Variants in DCDC2C observed in about 807,000 individuals in gnomAD.
DCDC2C encodes the protein doublecortin domain containing 2C.
A neutral mutation model predicts 45.0 loss-of-function variants in DCDC2C; 44 were observed. The observed-to-expected ratio is 0.98, with a 90% CI of 0.77 to 1.26. The LOEUF is 1.26. DCDC2C is among the 50% of genes most tolerant of loss of function. The pLI, the probability that DCDC2C is intolerant of heterozygous loss-of-function variation, is 0.00. For synonymous variants in DCDC2C, 187 were observed against 178.8 expected, an observed-to-expected ratio of 1.05 and a Z score of -0.37; for missense variants, 447 against 468.9, an observed-to-expected ratio of 0.95 and a Z score of 0.43.
At chr2:3,745,844 G>A (rs1017754379) in intron 4 of DCDC2C, among the ~76,000 whole-genome samples, 2 of 151,980 alleles carry the variant, frequency 1.3e-5, no homozygotes, top group African/African-American at 4.8e-5. Context: ...TGAGTAGTTG[G>A]GACTACAGGT....
chr2:3,778,703 C>T, intron 8 of DCDC2C, 113 bp from the exon 9 acceptor site: 2 of 934,328 alleles, frequency 2.1e-6, no homozygotes, highest in Non-Finnish European at 3.2e-6. Context: ...GTGACTTCCC[C>T]AGCTCTACCC....
rs1390833726 is a variant in DCDC2C at position 3,813,055 on chromosome 2, ATATATATATATATT to A, written c.1065+27957_1065+27970del. 1.6e-3 allele frequency among the ~76,000 whole-genome samples: 152 copies of A among 97,692 alleles called. 3 individuals are homozygous for A. Among genetic ancestry groups the A allele is most frequent in the African/African-American group, 6.4e-3 (134 of 20,796 alleles). The allele number at this position is 97,692 out of a possible 152,430, so 64.1% of individuals were successfully genotyped here. A position where few individuals can be genotyped will look rare whatever the true frequency, so the allele number is the denominator to read the frequency against. Reference sequence around the variant, plus strand: ...GAGAAGAACGTATATATATATATATATATATATATATATTTTTTTTTTTTTGCTGTTTTTGAGAT... The same window carrying A: ...GAGAAGAACGTATATATATATATATATTTTTTTTTTTGCTGTTTTTGAGAT... On this transcript the variant is annotated intron_variant, in intron 10 of 10. Transcript: ENST00000399143.
chr2:3,815,814 G>T (rs1335924910), intron 10 of DCDC2C, among the ~76,000 whole-genome samples: 15 of 152,206 alleles, frequency 9.9e-5, no homozygotes, highest in Non-Finnish European at 1.5e-4. Context: ...CATCAGTTAA[G>T]GCAGGAACAG....
intron 5 of DCDC2C, 98 bp from the exon 6 acceptor site, chr2:3,754,494 G>A (rs976927336): frequency 2.8e-5 from 35 of 1,232,780 alleles, no homozygotes; most frequent in Non-Finnish European, 3.8e-5. Context: ...CCTCCTCGTG[G>A]TCACTTCCCT....
intron 10 of DCDC2C, among the ~76,000 whole-genome samples, chr2:3,831,323 C>T (rs115297993): frequency 0.011 from 1,640 of 152,298 alleles, 41 homozygotes; most frequent in African/African-American, 0.038. Context: ...CTTGTGCAAA[C>T]GTCAGAGAGC....
rs145800921 is a variant in DCDC2C at position 3,732,416 on chromosome 2, C to G, written c.416+5337C>G. 7.2e-5 allele frequency among the ~76,000 whole-genome samples: 11 copies of G among 151,958 alleles called. No homozygotes were observed. The East Asian group carries it at 2.1e-3, about 29-fold the overall frequency. On this transcript the variant is annotated intron_variant, in intron 3 of 10. Coordinates refer to ENST00000399143, the MANE Select transcript of DCDC2C (RefSeq NM_001287444.2). The stretch of plus-strand genomic sequence containing the variant: ...GAGTGCTTTCCAGTCGGAATCATAT[C>G]TATGTATATATGATATAATATATAT...
intron 10 of DCDC2C, among the ~76,000 whole-genome samples, chr2:3,820,053 A>G (rs1364872494): frequency 6.6e-6 from 1 of 152,176 alleles, no homozygotes; most frequent in African/African-American, 2.4e-5. Context: ...GAAGGAACAG[A>G]CAGGAGAGAA....
intron 10 of DCDC2C, among the ~76,000 whole-genome samples, chr2:3,842,606 A>G (rs1453097473): frequency 2.0e-5 from 3 of 150,084 alleles, no homozygotes; most frequent in South Asian, 2.1e-4. Context: ...TTTAAGGTCC[A>G]TCAGTGAGAA....
At chr2:3,762,808 T>C (rs1669915714) in intron 6 of DCDC2C, among the ~76,000 whole-genome samples, 1 of 151,696 alleles carries the variant, frequency 6.6e-6, no homozygotes, top group Admixed American at 6.6e-5. Flanking sequence ...GACCTTTGAG[T>C]TGGGTCTTGG....
At chr2:3,778,564 C>A (rs1156684562) in intron 8 of DCDC2C, among the ~76,000 whole-genome samples, 3 of 152,142 alleles carry the variant, frequency 2.0e-5, no homozygotes, top group African/African-American at 7.2e-5. Flanking sequence ...CCAGAGGTCT[C>A]TGGAGCGCCC....
rs186442119 is a variant in DCDC2C at position 3,728,670 on chromosome 2, C to T, written c.416+1591C>T. The stretch of plus-strand genomic sequence containing the variant: ...CATGTGAGTGCAGAGTCCTTCCTAC[C>T]ACAAATAAACCTGATCGTGTTCCTC... On this transcript the variant is annotated intron_variant, in intron 3 of 10. Transcript: ENST00000399143. Among the ~76,000 whole-genome samples the T allele has an allele frequency of 3.2e-4, 49 of 152,242 alleles. 1 individual carries two copies. The highest frequency in any genetic ancestry group is 3.1e-3 in the Admixed American group (47 of 15,304).
At chr2:3,716,524 G>T (rs1668354883) in intron 2 of DCDC2C, among the ~76,000 whole-genome samples, 1 of 152,192 alleles carries the variant, frequency 6.6e-6, no homozygotes, top group Admixed American at 6.5e-5. Flanking sequence ...GATACAAACT[G>T]CTCTTTAAAT....
chr2:3,741,500 C>A (rs1014691748), intron 3 of DCDC2C, among the ~76,000 whole-genome samples: 1 of 152,108 alleles, frequency 6.6e-6, no homozygotes, highest in Non-Finnish European at 1.5e-5. Flanking sequence ...AGAGCCTGCC[C>A]GTCTGTATGC....
intron 10 of DCDC2C, among the ~76,000 whole-genome samples, chr2:3,791,537 G>A (rs59908539): frequency 0.033 from 5,004 of 152,280 alleles, 282 homozygotes; most frequent in African/African-American, 0.11. Context: ...AAAGATCAGC[G>A]GATGCAGGTC....
At position 3,711,142 on chromosome 2, in the gene DCDC2C, CAG is replaced by C. The variant is rs956502685; in HGVS notation, c.339+2544_339+2545del. On this transcript the variant is annotated intron_variant, in intron 2 of 10. Coordinates refer to ENST00000399143, the MANE Select transcript of DCDC2C (RefSeq NM_001287444.2). The stretch of plus-strand genomic sequence containing the variant: ...CTATTATTAAAAAGTCAAAAAACAA[CAG>C]ATGCTGGCAAGGTTGTGGAGAAAGA... 1.9e-4 allele frequency among the ~76,000 whole-genome samples: 29 copies of C among 152,306 alleles called. 1 individual carries two copies. Among genetic ancestry groups the C allele is most frequent in the Admixed American group, 1.7e-3 (26 of 15,304 alleles).
intron 10 of DCDC2C, among the ~76,000 whole-genome samples, chr2:3,846,159 ACTT>A (rs1158406470): frequency 2.3e-5 from 3 of 133,310 alleles, no homozygotes; most frequent in Admixed American, 7.6e-5. Flanking sequence ...TCCTCCTCCT[ACTT>A]CTTCTTCGTC....
At chr2:3,806,783 G>T (rs1401996876) in intron 10 of DCDC2C, among the ~76,000 whole-genome samples, 1 of 151,974 alleles carries the variant, frequency 6.6e-6, no homozygotes, top group African/African-American at 2.4e-5. Flanking sequence ...TCCTGACCTT[G>T]TGATCCGCCC....
chr2:3,766,715 G>A lies in DCDC2C; in HGVS notation c.727-1039G>A, dbSNP rs1178533235. On this transcript the variant is annotated intron_variant, in intron 6 of 10. Coordinates refer to ENST00000399143, the MANE Select transcript of DCDC2C (RefSeq NM_001287444.2). ...ATTTCTTAAGTGACATAGAGAGCTC[G>A]AGAGAAATACCTATTTATATACTTC... Among the ~76,000 whole-genome samples the A allele has an allele frequency of 5.9e-5, 9 of 152,128 alleles. No homozygotes were observed. In the East Asian group the frequency reaches 1.4e-3, roughly 23 times the overall value.
chr2:3,824,704 C>A (rs1205011765), intron 10 of DCDC2C, among the ~76,000 whole-genome samples: 3 of 152,088 alleles, frequency 2.0e-5, no homozygotes, highest in African/African-American at 4.8e-5. Flanking sequence ...TCTCTTCCCC[C>A]CGACCCCAGA....
Sources: allele counts gnomAD v4.1 joint callset (sites outside exome capture counted in the v4.1 genomes callset), GRCh38; gene constraint gnomAD v4.1.1; transcripts MANE v1.5; gene names NCBI Gene and HGNC (gene_info 2026-07-23, HGNC 2026-07-21).